AGAP1: variants seen among roughly 807,000 people sequenced by gnomAD.
AGAP1 encodes the protein ArfGAP with GTPase domain, ankyrin repeat and PH domain 1.
AGAP1 carries 29 observed loss-of-function variants against 105.3 expected under a neutral mutation model. That is an observed-to-expected ratio of 0.28 (90% confidence interval 0.21 to 0.38). The LOEUF (loss-of-function observed/expected upper bound fraction) is 0.38. Among genes scored for constraint, AGAP1 ranks in the 10% least tolerant of loss-of-function variants. AGAP1 has a pLI of 1.00. For missense variants in AGAP1, 998 were observed against 1,165.1 expected, an observed-to-expected ratio of 0.86 and a Z score of 2.09; for synonymous variants, 509 against 485.9, an observed-to-expected ratio of 1.05 and a Z score of -0.63.
intron 2 of AGAP1, among the ~76,000 whole-genome samples, chr2:235,717,051 C>A (rs754697554): frequency 3.9e-5 from 6 of 152,154 alleles, no homozygotes; most frequent in Non-Finnish European, 8.8e-5. Context: ...TGCTCCTCCA[C>A]CCCCAGGTCT....
rs1011659256 is a variant in AGAP1, at chr2:236,076,925, G to C, written c.2114+27644G>C. 6.6e-6 allele frequency among the ~76,000 whole-genome samples: 1 copy of C among 150,876 alleles called. No individual in the cohort carries two copies. Among genetic ancestry groups the C allele is most frequent in the African/African-American group, 2.4e-5 (1 of 41,082 alleles). The stretch of plus-strand genomic sequence containing the variant: ...GTTCAAGACCAGCCAGGGCAACATG[G>C]CAAAACCCTGTCACTACAGAAAATA... On this transcript the variant is annotated intron_variant, in intron 16 of 17. Coordinates refer to ENST00000304032, the MANE Select transcript of AGAP1 (RefSeq NM_001037131.3). The surrounding 1 kb of genome is among the most constrained non-coding windows in gnomAD (Gnocchi z 4.4).
At chr2:236,048,490 TA>T (rs1212796823) in intron 15 of AGAP1, among the ~76,000 whole-genome samples, 2 of 152,256 alleles carry the variant, frequency 1.3e-5, no homozygotes, top group African/African-American at 4.8e-5. Flanking sequence ...TAGCTATAGT[TA>T]AATAAGATCA....
rs1264743097 is a variant in AGAP1, at chr2:235,963,856, G to A, written c.1484-4606G>A. ...GGTGGCCTGGAATAGAGAGCCTAGC[G>A]GTAGACCTACCACGCCCCTGTGGAA... is the stretch of plus-strand genomic sequence containing the variant. On this transcript the variant is annotated intron_variant, in intron 12 of 17. Transcript: ENST00000304032. This position sits in a 1 kb window ranked among gnomAD's most constrained non-coding sequence, Gnocchi z 5.1. 1.3e-5 allele frequency among the ~76,000 whole-genome samples: 2 copies of A among 152,176 alleles called. No homozygotes were observed. Among genetic ancestry groups the A allele is most frequent in the Admixed American group, 1.3e-4 (2 of 15,280 alleles).
At chr2:235,831,502 G>C (rs544478972) in intron 9 of AGAP1, among the ~76,000 whole-genome samples, 1 of 152,288 alleles carries the variant, frequency 6.6e-6, no homozygotes, top group East Asian at 1.9e-4. Context: ...TGAAATCACA[G>C]ATCTTTTTAC....
Position 236,014,790 on chromosome 2 carries a change from G to A in AGAP1, c.1646-21771G>A. ...TCTCTTTTTCCCCTCTCCCCTTTCTGCTCTCGGGATGCAGCCAAACGCAAA... is the reference window on the plus strand; with the variant it reads ...TCTCTTTTTCCCCTCTCCCCTTTCTACTCTCGGGATGCAGCCAAACGCAAA... On this transcript the variant is annotated intron_variant, in intron 13 of 17. Coordinates refer to ENST00000304032, the MANE Select transcript of AGAP1 (RefSeq NM_001037131.3). This position sits in a 1 kb window ranked among gnomAD's most constrained non-coding sequence, Gnocchi z 6.3. 1 of 426,492 alleles carries A rather than the reference G, an allele frequency of 2.3e-6. No homozygotes were observed. Among genetic ancestry groups the A allele is most frequent in the East Asian group, 8.5e-5 (1 of 11,742 alleles). 26.4% of individuals were successfully genotyped at this position (426,492 alleles called of 1,614,324 possible). A position where few individuals can be genotyped will look rare whatever the true frequency, so the allele number is the denominator to read the frequency against.
rs1274611239 is a variant in AGAP1 at position 236,083,341 on chromosome 2, C to G, written c.2114+34060C>G. Among the ~76,000 whole-genome samples, 4 of 152,150 alleles carry G rather than the reference C, an allele frequency of 2.6e-5. No individual in the cohort carries two copies. The highest frequency in any genetic ancestry group is 5.9e-5 in the Non-Finnish European group (4 of 68,026). The stretch of plus-strand genomic sequence containing the variant: ...AAGGAAGCGTCGTCCTCCTCACGGG[C>G]TCTTTACGTTGACATTGTGGCTTTG... On this transcript the variant is annotated intron_variant, in intron 16 of 17. Transcript: ENST00000304032. The surrounding 1 kb of genome is among the most constrained non-coding windows in gnomAD (Gnocchi z 5.3).
chr2:235,709,516 C>T (rs73996331), intron 2 of AGAP1, among the ~76,000 whole-genome samples: 1,931 of 125,130 alleles, frequency 0.015, 41 homozygotes, highest in African/African-American at 0.049. Context: ...TCTCACATCT[C>T]GTGGGTGTGT....
chr2:235,738,147 C>G (rs1434786877), intron 3 of AGAP1, among the ~76,000 whole-genome samples: 1 of 152,008 alleles, frequency 6.6e-6, no homozygotes, highest in African/African-American at 2.4e-5. Flanking sequence ...AGGCAGGAAA[C>G]TTGTGCAGAA....
intron 13 of AGAP1, among the ~76,000 whole-genome samples, chr2:235,972,435 C>T (rs778299401): frequency 2.6e-5 from 4 of 152,166 alleles, no homozygotes; most frequent in South Asian, 4.1e-4. Flanking sequence ...CCGGCTGGTT[C>T]GCCGAGGAGT....
At chr2:235,636,050 T>C (rs554181439) in intron 1 of AGAP1, among the ~76,000 whole-genome samples, 2 of 151,652 alleles carry the variant, frequency 1.3e-5, no homozygotes, top group African/African-American at 2.4e-5. Context: ...AAGGTGGAGG[T>C]TGCAGTGAGC....
chr2:236,090,973 A>G lies in AGAP1; in HGVS notation c.2115-29219A>G, dbSNP rs573443795. On this transcript the variant is annotated intron_variant, in intron 16 of 17. Coordinates refer to ENST00000304032, the MANE Select transcript of AGAP1 (RefSeq NM_001037131.3). The surrounding 1 kb of genome is among the most constrained non-coding windows in gnomAD (Gnocchi z 4.3). ...AGGCTGGTGTCGACCTCCTGACCTC[A>G]GGTGATCTGCCCACCTCGGCCTCCC... is the stretch of plus-strand genomic sequence containing the variant. Among the ~76,000 whole-genome samples, 1 of 152,332 alleles carries G rather than the reference A, an allele frequency of 6.6e-6. No homozygotes were observed. The highest frequency in any genetic ancestry group is 2.1e-4 in the South Asian group (1 of 4,830).
At chr2:235,849,735 G>A (rs1299964480) in intron 9 of AGAP1, among the ~76,000 whole-genome samples, 2 of 152,142 alleles carry the variant, frequency 1.3e-5, no homozygotes, top group African/African-American at 2.4e-5. Context: ...CCTCATGGCC[G>A]CTAGGGCAAG....
Position 236,126,391 on chromosome 2 carries a change from GA to G in AGAP1, c.*2272del, listed in dbSNP as rs924730169. On this transcript the variant is annotated 3_prime_UTR_variant, in exon 18 of 18. Coordinates refer to ENST00000304032, the MANE Select transcript of AGAP1 (RefSeq NM_001037131.3). ...TAGTGGACACAGATATAGCATAAAT[GA>G]AATTGTTAAATTATTTCATTGTAGT... 1 of 152,162 alleles carries G rather than the reference GA, an allele frequency of 6.6e-6. No individual in the cohort carries two copies. The highest frequency in any genetic ancestry group is 2.4e-5 in the African/African-American group (1 of 41,432). 9.4% of individuals were successfully genotyped at this position (152,162 alleles called of 1,614,324 possible).
intron 9 of AGAP1, among the ~76,000 whole-genome samples, chr2:235,876,784 C>T (rs911621802): frequency 3.9e-5 from 6 of 151,998 alleles, no homozygotes; most frequent in African/African-American, 9.7e-5. Context: ...TGCCCCCAGG[C>T]GCATCCCTGA....
intron 12 of AGAP1, among the ~76,000 whole-genome samples, chr2:235,942,124 A>G (rs1388885991): frequency 1.3e-5 from 2 of 152,160 alleles, no homozygotes; most frequent in African/African-American, 4.8e-5. Flanking sequence ...GAAGAGAGGA[A>G]TGTGATTTGA....
chr2:235,681,068 G>A (rs550514283), intron 1 of AGAP1, among the ~76,000 whole-genome samples: 1 of 152,236 alleles, frequency 6.6e-6, no homozygotes, highest in Admixed American at 6.5e-5. Context: ...GAGTGCAGTG[G>A]CGCCATCTCG....
chr2:235,528,610 C>T (rs774495496), intron 1 of AGAP1, among the ~76,000 whole-genome samples: 2 of 152,174 alleles, frequency 1.3e-5, no homozygotes, highest in Non-Finnish European at 2.9e-5. Flanking sequence ...CCGCTTGTTT[C>T]ATATAGTAGC....
At chr2:235,917,397 A>G (rs1387560427) in intron 11 of AGAP1, among the ~76,000 whole-genome samples, 1 of 152,174 alleles carries the variant, frequency 6.6e-6, no homozygotes, top group Non-Finnish European at 1.5e-5. Context: ...ATATTCAGTG[A>G]CCTAGAATAC....
At chr2:235,912,963 T>G (rs527482679) in intron 11 of AGAP1, among the ~76,000 whole-genome samples, 1 of 152,348 alleles carries the variant, frequency 6.6e-6, no homozygotes, top group Non-Finnish European at 1.5e-5. Flanking sequence ...CTTTGCCCAT[T>G]TTTGCACTAG....
Sources: gnomAD v4.1 joint callset for allele counts (sites outside exome capture counted in the v4.1 genomes callset) on GRCh38, gnomAD v4.1.1 for gene constraint, Gnocchi (gnomAD v3.1) non-coding constraint, MANE v1.5 for transcripts, NCBI Gene and HGNC (gene_info 2026-07-23, HGNC 2026-07-21) for gene names.